Variants in DPY19L4 observed in about 807,000 individuals in gnomAD.
DPY19L4 encodes dpy-19 like 4, also known as probable C-mannosyltransferase DPY19L4.
Under a neutral mutation model 102.8 loss-of-function variants are expected in DPY19L4, and 97 were observed. The ratio of observed to expected loss-of-function variants is 0.94; its 90% confidence interval spans 0.80 to 1.12. The LOEUF (loss-of-function observed/expected upper bound fraction) is 1.12, where lower values mean the gene tolerates loss of function less well. Among genes scored for constraint, DPY19L4 ranks in the 50% most tolerant of loss-of-function variants. DPY19L4 has a pLI of 0.00. For synonymous variants in DPY19L4, 252 were observed against 283.1 expected, an observed-to-expected ratio of 0.89 and a Z score of 1.10; for missense variants, 815 against 850.4, an observed-to-expected ratio of 0.96 and a Z score of 0.52.
intron 7 of DPY19L4, among the ~76,000 whole-genome samples, chr8:94,761,178 G>T (rs1025421322): frequency 1.6e-4 from 24 of 152,268 alleles, no homozygotes; most frequent in African/African-American, 3.6e-4. Context: ...AAATGAAAGG[G>T]TAATAGAGCC....
chr8:94,744,938 A>G (rs1284375460), intron 6 of DPY19L4: 1 of 223,462 alleles, frequency 4.5e-6, no homozygotes, highest in Admixed American at 5.1e-5. Flanking sequence ...TTTATATTTT[A>G]TTGGTATGTA....
At chr8:94,755,100 A>G (rs910523988) in intron 6 of DPY19L4, among the ~76,000 whole-genome samples, 1 of 152,090 alleles carries the variant, frequency 6.6e-6, no homozygotes, top group Non-Finnish European at 1.5e-5. Context: ...ACATTCCTAT[A>G]TTTCTGATTC....
intron 6 of DPY19L4, among the ~76,000 whole-genome samples, chr8:94,741,140 T>A (rs924284884): frequency 1.3e-5 from 2 of 152,208 alleles, no homozygotes; most frequent in Non-Finnish European, 2.9e-5. Flanking sequence ...ATATTTTTCA[T>A]GTTCCATGAC....
At chr8:94,770,946 G>A (rs1354591969) in intron 13 of DPY19L4, among the ~76,000 whole-genome samples, 1 of 142,578 alleles carries the variant, frequency 7.0e-6, no homozygotes, top group African/African-American at 2.6e-5. Flanking sequence ...TTAGAATCTC[G>A]CTCTGTCACC....
At chr8:94,757,329 T>C (rs1455094260) in intron 7 of DPY19L4, among the ~76,000 whole-genome samples, 1 of 152,250 alleles carries the variant, frequency 6.6e-6, no homozygotes, top group Non-Finnish European at 1.5e-5. Flanking sequence ...CTTTTTTGCA[T>C]GTAAAATAAC....
Position 94,789,921 on chromosome 8 carries a change from A to G in DPY19L4, c.*11A>G. On this transcript the variant is annotated 3_prime_UTR_variant, in exon 19 of 19. Coordinates refer to ENST00000414645, the MANE Select transcript of DPY19L4 (RefSeq NM_181787.3). ...TCCTTCCAGTCTTGAAAAATAACAGAGCCTTCATTTCAAAGACTACCTGAA... is the reference window on the plus strand; with the variant it reads ...TCCTTCCAGTCTTGAAAAATAACAGGGCCTTCATTTCAAAGACTACCTGAA... The G allele has an allele frequency of 6.3e-7, 1 of 1,582,022 alleles. No individual in the cohort carries two copies. The highest frequency in any genetic ancestry group is 8.5e-7 in the Non-Finnish European group (1 of 1,170,792).
chr8:94,787,942 C>G lies in DPY19L4; in HGVS notation c.1897C>G (p.Leu633Val). The G allele has an allele frequency of 9.3e-6, 14 of 1,499,578 alleles. No individual in the cohort carries two copies. The highest frequency in any genetic ancestry group is 1.2e-5 in the Non-Finnish European group (13 of 1,123,170). 92.9% of individuals were successfully genotyped at this position (1,499,578 alleles called of 1,614,324 possible). Reference sequence around the variant, plus strand: ...ATCTGCTGAGGATATTTATAAAATACTGACATCTTACAAAGCTAATTACCT... The same window carrying G: ...ATCTGCTGAGGATATTTATAAAATAGTGACATCTTACAAAGCTAATTACCT... ...KRSAEDIYKI[L>V]TSYKANYLIV... Residue 633 changes from leucine (L) to valine (V), a missense_variant, in exon 18 of 19, where the codon CTG becomes GTG. By Grantham distance (32) the Leu-to-Val change is conservative. Transcript: ENST00000414645.
intron 7 of DPY19L4, among the ~76,000 whole-genome samples, chr8:94,760,980 C>A (rs1812371202): frequency 6.6e-6 from 1 of 152,162 alleles, no homozygotes; most frequent in African/African-American, 2.4e-5. Flanking sequence ...AAAGATAATA[C>A]TTCTGTTGAC....
intron 14 of DPY19L4, among the ~76,000 whole-genome samples, chr8:94,780,150 T>C (rs1018297310): frequency 6.6e-6 from 1 of 152,214 alleles, no homozygotes; most frequent in Admixed American, 6.5e-5. Flanking sequence ...TAAATGTTTA[T>C]GTCTCACTTT....
In DPY19L4 at chr8:94,780,425, T is replaced by G; in HGVS notation, c.1632+10T>G. On this transcript the variant is annotated intron_variant, in intron 15 of 18. Transcript: ENST00000414645. ...CAGCTTATGGAAAGAGGTAAAAAAA[T>G]TAGATTTTTATATTAATAAAATGTA... The G allele has an allele frequency of 7.0e-7, 1 of 1,433,178 alleles. No homozygotes were observed. The highest frequency in any genetic ancestry group is 1.9e-5 in the Admixed American group (1 of 51,462). The allele number at this position is 1,433,178 out of a possible 1,614,324, so 88.8% of individuals were successfully genotyped here. A position where few individuals can be genotyped will look rare whatever the true frequency, so the allele number is the denominator to read the frequency against.
intron 6 of DPY19L4, among the ~76,000 whole-genome samples, chr8:94,751,440 C>G (rs550073035): frequency 1.3e-5 from 2 of 151,894 alleles, no homozygotes; most frequent in South Asian, 2.1e-4. Flanking sequence ...CTTACCCAAC[C>G]ACCACTACTA....
intron 6 of DPY19L4, among the ~76,000 whole-genome samples, chr8:94,747,902 TAAACTC>T (rs200911470): frequency 0.036 from 5,412 of 152,288 alleles, 116 homozygotes; most frequent in Admixed American, 0.04. Flanking sequence ...GACACGAAAT[TAAACTC>T]AAAGAGAAGT....
At chr8:94,720,951 C>CTT (rs139273476) in intron 1 of DPY19L4, among the ~76,000 whole-genome samples, 1 of 144,036 alleles carries the variant, frequency 6.9e-6, no homozygotes, top group Non-Finnish European at 1.5e-5. Flanking sequence ...GCCCCCCTGC[C>CTT]TTTTTTTTTT....
chr8:94,763,089 C>T (rs970933206), intron 8 of DPY19L4, among the ~76,000 whole-genome samples: 1 of 151,220 alleles, frequency 6.6e-6, no homozygotes, highest in African/African-American at 2.4e-5. Flanking sequence ...GCTGGGATTA[C>T]AGGCGCCTGC....
intron 3 of DPY19L4, among the ~76,000 whole-genome samples, chr8:94,737,465 C>T (rs981383162): frequency 6.6e-6 from 1 of 151,962 alleles, no homozygotes; most frequent in Non-Finnish European, 1.5e-5. Context: ...CGTGAGCCAA[C>T]ACGCTGGGCC....
Position 94,737,947 on chromosome 8 carries a change from G to T in DPY19L4, c.253-422G>T, listed in dbSNP as rs534739054. ...TAGCTGAGGTGGGAGGATCATTTGA[G>T]GTTTCAGTGAGCCATGATTGTGCCT... On this transcript the variant is annotated intron_variant, in intron 3 of 18. Coordinates refer to ENST00000414645, the MANE Select transcript of DPY19L4 (RefSeq NM_181787.3). Among the ~76,000 whole-genome samples, 9 of 152,264 alleles carry T rather than the reference G, an allele frequency of 5.9e-5. 1 individual carries two copies. Among genetic ancestry groups the T allele is most frequent in the African/African-American group, 2.2e-4 (9 of 41,558 alleles).
chr8:94,753,373 A>G (rs913366883), intron 6 of DPY19L4, among the ~76,000 whole-genome samples: 3 of 152,228 alleles, frequency 2.0e-5, no homozygotes, highest in Admixed American at 2.0e-4. Flanking sequence ...TTATAGGGCA[A>G]CGGAGATCCT....
chr8:94,776,496 T>A (rs1358168205), intron 13 of DPY19L4, among the ~76,000 whole-genome samples: 1 of 151,394 alleles, frequency 6.6e-6, no homozygotes, highest in Non-Finnish European at 1.5e-5. Context: ...TTGGGCCATA[T>A]ATCTACATTA....
intron 6 of DPY19L4, among the ~76,000 whole-genome samples, chr8:94,752,766 G>A (rs1405040188): frequency 6.7e-6 from 1 of 149,916 alleles, no homozygotes; most frequent in Non-Finnish European, 1.5e-5. Flanking sequence ...CCCGGTTCAC[G>A]CCATTCTCCT....
Sources: gnomAD v4.1 joint callset for allele counts (sites outside exome capture counted in the v4.1 genomes callset) on GRCh38, gnomAD v4.1.1 for gene constraint, MANE v1.5 for transcripts, NCBI Gene and HGNC (gene_info 2026-07-23, HGNC 2026-07-21) for gene names.